SRC: variants seen among roughly 807,000 people sequenced by gnomAD.
SRC encodes the protein SRC proto-oncogene, non-receptor tyrosine kinase.
SRC carries 13 observed loss-of-function variants against 62.9 expected under a neutral mutation model. That is an observed-to-expected ratio of 0.21 (90% confidence interval 0.13 to 0.33). SRC has a LOEUF of 0.33. Ranked by LOEUF, SRC falls within the 10% of genes least tolerant of loss-of-function variation. The pLI is 1.00. For synonymous variants in SRC, 302 were observed against 317.5 expected (o/e 0.95, Z 0.52); for missense variants, 457 against 737.3 (o/e 0.62, Z 4.40).
In SRC at chr20:37,403,289, G is replaced by A. The variant is rs925371859; in HGVS notation, c.1521G>A (p.Glu507=). Residue 507 remains glutamate (E), a synonymous_variant, in exon 14 of 14, where the codon GAG becomes GAA. Transcript: ENST00000373578. This position sits in a 1 kb window ranked among gnomAD's most constrained non-coding sequence, Gnocchi z 7.1. ...LMCQCWRKEP[E]ERPTFEYLQA... is the part of the protein sequence containing the mutation. ...GCCAGTGCTGGCGGAAGGAGCCTGA[G>A]GAGCGGCCCACCTTCGAGTACCTGC... 3.7e-6 allele frequency: 6 copies of A among 1,602,040 alleles called. No individual in the cohort carries two copies. Among genetic ancestry groups the A allele is most frequent in the East Asian group, 2.2e-5 (1 of 44,510 alleles).
chr20:37,346,337 A>T (rs1454109594), intron 1 of SRC, 82 bp downstream of exon 1: 1 of 145,668 alleles, frequency 6.9e-6, no homozygotes, highest in Non-Finnish European at 1.5e-5. Context: ...CTGGCGTCGG[A>T]TCGCGGGCCG....
At position 37,405,412 on chromosome 20, in the gene SRC, C is replaced by T. The variant is rs1216967469; in HGVS notation, c.*2033C>T. On this transcript the variant is annotated 3_prime_UTR_variant, in exon 14 of 14. Coordinates refer to ENST00000373578, the MANE Select transcript of SRC (RefSeq NM_198291.3). ...ATTGTCTGATTAAACACAAACAGACCTCAGAATCTGATCAACAGTTTATTG... is the reference window on the plus strand; with the variant it reads ...ATTGTCTGATTAAACACAAACAGACTTCAGAATCTGATCAACAGTTTATTG... The T allele has an allele frequency of 1.5e-5, 3 of 205,164 alleles. No individual in the cohort carries two copies. The highest frequency in any genetic ancestry group is 3.0e-5 in the Non-Finnish European group (3 of 100,278). 12.7% of individuals were successfully genotyped at this position (205,164 alleles called of 1,614,324 possible). A position where few individuals can be genotyped will look rare whatever the true frequency, so the allele number is the denominator to read the frequency against.
intron 5 of SRC, among the ~76,000 whole-genome samples, chr20:37,389,419 G>A (rs1044669431): frequency 3.9e-5 from 6 of 152,142 alleles, no homozygotes; most frequent in Admixed American, 1.3e-4. Context: ...GGGGCACCTC[G>A]GGAGTCTAGA....
At chr20:37,347,673 T>C (rs914302251) in intron 1 of SRC, among the ~76,000 whole-genome samples, 1 of 152,200 alleles carries the variant, frequency 6.6e-6, no homozygotes, top group African/African-American at 2.4e-5. Context: ...GCCTCAGTTT[T>C]GCCACATATA....
chr20:37,385,559 G>T (rs1019009883), intron 4 of SRC, among the ~76,000 whole-genome samples: 32 of 152,116 alleles, frequency 2.1e-4, no homozygotes, highest in Non-Finnish European at 4.1e-4. Context: ...ATGGTGGAAG[G>T]GGGTACGGGG....
Position 37,403,145 on chromosome 20 carries a change from C to T in SRC, c.1403-26C>T, listed in dbSNP as rs574722363. On this transcript the variant is annotated intron_variant, in intron 13 of 13. Coordinates refer to ENST00000373578, the MANE Select transcript of SRC (RefSeq NM_198291.3). This position sits in a 1 kb window ranked among gnomAD's most constrained non-coding sequence, Gnocchi z 7.1. ...CCCCACTTTCCTCACCGGAGCCGGG[C>T]TCCCCATGCCTCGCTCTGCCCACAG... 3.3e-6 allele frequency: 5 copies of T among 1,512,890 alleles called. No individual in the cohort carries two copies. The highest frequency in any genetic ancestry group is 1.4e-5 in the African/African-American group (1 of 72,684). 93.7% of individuals were successfully genotyped at this position (1,512,890 alleles called of 1,614,324 possible).
rs1340628132 is a variant in SRC at position 37,386,137 on chromosome 20, T to C, written c.313T>C (p.Phe105Leu). 1 of 1,614,106 alleles carries C rather than the reference T, an allele frequency of 6.2e-7. No individual in the cohort carries two copies. Among genetic ancestry groups the C allele is most frequent in the Non-Finnish European group, 8.5e-7 (1 of 1,180,030 alleles). Residue 105 changes from phenylalanine (F) to leucine (L), a missense_variant, in exon 5 of 14, where the codon TTC becomes CTC. This residue lies in a region of SRC where 16 missense variants were observed against 45.7 expected (regional missense o/e 0.35). Coordinates refer to ENST00000373578, the MANE Select transcript of SRC (RefSeq NM_198291.3). The part of the protein sequence containing the change: ...YESRTETDLS[F>L]KKGERLQIVN... ...GTCTAGGACGGAGACAGACCTGTCCTTCAAGAAAGGCGAGCGGCTCCAGAT... is the reference window on the plus strand; with the variant it reads ...GTCTAGGACGGAGACAGACCTGTCCCTCAAGAAAGGCGAGCGGCTCCAGAT...
chr20:37,367,095 A>ATTTTTT (rs770197409), intron 2 of SRC, among the ~76,000 whole-genome samples: 2 of 125,390 alleles, frequency 1.6e-5, no homozygotes, highest in Non-Finnish European at 3.5e-5. Context: ...TGTGGTTTTG[A>ATTTTTT]TTTTTTTTTT....
At chr20:37,357,608 A>T (rs1228539430) in intron 1 of SRC, among the ~76,000 whole-genome samples, 1 of 152,236 alleles carries the variant, frequency 6.6e-6, no homozygotes, top group Non-Finnish European at 1.5e-5. Context: ...GTTCTCACAC[A>T]GTGAGTTATG....
rs1357146698 is a variant in SRC, at chr20:37,404,575, G to T, written c.*1196G>T. On this transcript the variant is annotated 3_prime_UTR_variant, in exon 14 of 14. Transcript: ENST00000373578. ...GGAGGGAAAAGAGTGCCTAAGCGGG[G>T]GTGAAAGAGGACGTGTTACCCACTG... The T allele has an allele frequency of 4.3e-6, 1 of 233,754 alleles. No homozygotes were observed. The highest frequency in any genetic ancestry group is 8.5e-6 in the Non-Finnish European group (1 of 118,078). 14.5% of individuals were successfully genotyped at this position (233,754 alleles called of 1,614,324 possible).
rs1305685225 is a variant in SRC at position 37,398,016 on chromosome 20, T to C, written c.859+162T>C. On this transcript the variant is annotated intron_variant, in intron 9 of 13. Coordinates refer to ENST00000373578, the MANE Select transcript of SRC (RefSeq NM_198291.3). The surrounding 1 kb of genome is among the most constrained non-coding windows in gnomAD (Gnocchi z 5.2). Reference sequence around the variant, plus strand: ...CGGTGGCTGGCACCGAGTTGGGTTGTGGCCACCCAAGCACTGTGCCCCGGA... The same window carrying C: ...CGGTGGCTGGCACCGAGTTGGGTTGCGGCCACCCAAGCACTGTGCCCCGGA... Among the ~76,000 whole-genome samples, 1 of 152,210 alleles carries C rather than the reference T, an allele frequency of 6.6e-6. No homozygotes were observed. The highest frequency in any genetic ancestry group is 1.9e-4 in the East Asian group (1 of 5,194).
In SRC at chr20:37,397,922, C is replaced by T. The variant is rs2070682394; in HGVS notation, c.859+68C>T. On this transcript the variant is annotated intron_variant, in intron 9 of 13. Coordinates refer to ENST00000373578, the MANE Select transcript of SRC (RefSeq NM_198291.3). The surrounding 1 kb of genome is among the most constrained non-coding windows in gnomAD (Gnocchi z 4.1). ...ACCCCGTGTGGCAGCTCCGGGCTCC[C>T]TTGGTCCCTTTGCCTTTAGCTGCCT... The T allele has an allele frequency of 6.6e-7, 1 of 1,513,616 alleles. No homozygotes were observed. The highest frequency in any genetic ancestry group is 1.2e-5 in the South Asian group (1 of 80,606). The allele number at this position is 1,513,616 out of a possible 1,614,324, so 93.8% of individuals were successfully genotyped here. A position where few individuals can be genotyped will look rare whatever the true frequency, so the allele number is the denominator to read the frequency against.
chr20:37,360,679 T>C (rs2069955499), intron 1 of SRC, among the ~76,000 whole-genome samples: 1 of 152,148 alleles, frequency 6.6e-6, no homozygotes, highest in Non-Finnish European at 1.5e-5. Context: ...ATCATTCAAG[T>C]AGGATGCCTA....
intron 2 of SRC, among the ~76,000 whole-genome samples, chr20:37,377,045 G>A (rs2070288841): frequency 6.6e-6 from 1 of 152,242 alleles, no homozygotes; most frequent in African/African-American, 2.4e-5. Flanking sequence ...TCTGAACCTT[G>A]ATCCCATCTG....
chr20:37,352,676 T>A (rs1180679688), intron 1 of SRC, among the ~76,000 whole-genome samples: 2 of 152,204 alleles, frequency 1.3e-5, no homozygotes, highest in Non-Finnish European at 2.9e-5. Context: ...GCTCTTGTTT[T>A]TTGGGAGGCA....
At chr20:37,349,321 G>A (rs1358509396) in intron 1 of SRC, among the ~76,000 whole-genome samples, 2 of 152,178 alleles carry the variant, frequency 1.3e-5, no homozygotes, top group African/African-American at 4.8e-5. Flanking sequence ...TGTGGGAAGT[G>A]CAATGCTGGG....
At chr20:37,352,231 G>A (rs933605716) in intron 1 of SRC, among the ~76,000 whole-genome samples, 5 of 152,238 alleles carry the variant, frequency 3.3e-5, no homozygotes, top group African/African-American at 1.2e-4. Context: ...GCCAATGTGT[G>A]CCAAGTGCTT....
Position 37,351,362 on chromosome 20 carries a change from G to C in SRC, c.-247+5107G>C, listed in dbSNP as rs1331445158. 6.6e-6 allele frequency among the ~76,000 whole-genome samples: 1 copy of C among 152,176 alleles called. No homozygotes were observed. Among genetic ancestry groups the C allele is most frequent in the Non-Finnish European group, 1.5e-5 (1 of 68,024 alleles). On this transcript the variant is annotated intron_variant, in intron 1 of 13. Coordinates refer to ENST00000373578, the MANE Select transcript of SRC (RefSeq NM_198291.3). The surrounding 1 kb of genome is among the most constrained non-coding windows in gnomAD (Gnocchi z 4.4). The stretch of plus-strand genomic sequence containing the variant: ...CTGAGGCTCTGTGATGGTGATCCTA[G>C]CTGGGGAGTGCTCCAGGGGCAGGCC...
intron 2 of SRC, among the ~76,000 whole-genome samples, chr20:37,371,058 G>A (rs970989050): frequency 6.8e-6 from 1 of 146,398 alleles, no homozygotes; most frequent in Non-Finnish European, 1.5e-5. Context: ...GCGCCATCTC[G>A]GCCCACCTCA....
Sources: gnomAD v4.1 joint callset for allele counts (sites outside exome capture counted in the v4.1 genomes callset) on GRCh38, gnomAD v4.1.1 for gene constraint, gnomAD v4.1.1 regional missense constraint, Gnocchi (gnomAD v3.1) non-coding constraint, MANE v1.5 for transcripts, NCBI Gene and HGNC (gene_info 2026-07-23, HGNC 2026-07-21) for gene names.